Variants in RAVER1 observed in about 807,000 individuals in gnomAD.
RAVER1 encodes ribonucleoprotein, PTB binding 1.
RAVER1 carries 36 observed loss-of-function variants against 68.4 expected under a neutral mutation model. That is an observed-to-expected ratio of 0.53 (90% CI 0.40 to 0.70). RAVER1 has a LOEUF of 0.70. Among genes scored for constraint, RAVER1 ranks in the 30% least tolerant of loss-of-function variants. RAVER1 has a pLI of 0.00. For missense variants in RAVER1, 933 were observed against 1,019.8 expected (o/e 0.91, Z 1.16); for synonymous variants, 469 against 472.7 (o/e 0.99, Z 0.10).
intron 1 of RAVER1, among the ~76,000 whole-genome samples, chr19:10,331,901 G>A (rs2040521420): frequency 6.6e-6 from 1 of 152,166 alleles, no homozygotes; most frequent in African/African-American, 2.4e-5. Flanking sequence ...CCTGACTGGG[G>A]AGCCCACCTT....
At chr19:10,331,684 C>CAAAAAAAAAA (rs61614587) in intron 1 of RAVER1, among the ~76,000 whole-genome samples, 3 of 73,312 alleles carry the variant, frequency 4.1e-5, no homozygotes, top group Non-Finnish European at 7.2e-5. Flanking sequence ...GACTCCGTCT[C>CAAAAAAAAAA]AAAAAAAAAA....
At position 10,317,181 on chromosome 19, in the gene RAVER1, G is replaced by A. The variant is rs945431085; in HGVS notation, c.*273C>T. 2 of 500,244 alleles carry A rather than the reference G, an allele frequency of 4.0e-6. No homozygotes were observed. Among genetic ancestry groups the A allele is most frequent in the Admixed American group, 3.6e-5 (1 of 27,856 alleles). The allele number at this position is 500,244 out of a possible 1,614,324, so 31.0% of individuals were successfully genotyped here. On this transcript the variant is annotated 3_prime_UTR_variant, in exon 13 of 13. Transcript: ENST00000617231. The surrounding 1 kb of genome is among the most constrained non-coding windows in gnomAD (Gnocchi z 4.3). The stretch of plus-strand genomic sequence containing the variant: ...GAGAGACGGGCACAGCGGAGGAGGA[G>A]ATGGGGGGAGGGAGGGAGAGCAGGC...
chr19:10,320,781 G>A lies in RAVER1; in HGVS notation c.1644C>T (p.Ala548=), dbSNP rs2040430646. 2 of 1,514,596 alleles carry A rather than the reference G, an allele frequency of 1.3e-6. No individual in the cohort carries two copies. The highest frequency in any genetic ancestry group is 1.8e-6 in the Non-Finnish European group (2 of 1,140,366). The allele number at this position is 1,514,596 out of a possible 1,614,324, so 93.8% of individuals were successfully genotyped here. ...PAEGPPTNPP[A]PGGGSSSSKA... is the part of the protein sequence containing the mutation. ...TGCTGCTGCTGCTGCCACCTCCAGG[G>A]GCTGGGGGGTTAGTTGGGGGGCCCT... The change falls in exon 9 of 13, where the codon GCC becomes GCT. Residue 548 remains alanine, a synonymous_variant. Coordinates refer to ENST00000617231, the MANE Select transcript of RAVER1 (RefSeq NM_133452.3).
At chr19:10,332,337 G>A (rs990262055) in intron 1 of RAVER1, among the ~76,000 whole-genome samples, 1 of 152,176 alleles carries the variant, frequency 6.6e-6, no homozygotes, top group Admixed American at 6.6e-5. Flanking sequence ...GGCGCCTGCT[G>A]GGACCAGACA....
chr19:10,324,356 C>A (rs2040460774), intron 3 of RAVER1, among the ~76,000 whole-genome samples: 1 of 152,102 alleles, frequency 6.6e-6, no homozygotes, highest in Admixed American at 6.5e-5. Flanking sequence ...GGGCACAGAT[C>A]TCCCATAACC....
At position 10,321,585 on chromosome 19, in the gene RAVER1, C is replaced by A; in HGVS notation, c.1207G>T (p.Ala403Ser). ...GCTGGCTGGGCCCCAGGCTGGAGGGCGCCCAGGGGTGAGTCTCCCAGGATG... is the reference window on the plus strand; with the variant it reads ...GCTGGCTGGGCCCCAGGCTGGAGGGAGCCCAGGGGTGAGTCTCCCAGGATG... ...PGILGDSPLG[A>S]LQPGAQPANP... Residue 403 changes from alanine to serine, a missense_variant, in exon 7 of 13, where the codon GCC becomes TCC. Transcript: ENST00000617231. 1 of 1,388,494 alleles carries A rather than the reference C, an allele frequency of 7.2e-7. No homozygotes were observed. Among genetic ancestry groups the A allele is most frequent in the Non-Finnish European group, 9.4e-7 (1 of 1,064,822 alleles). The allele number at this position is 1,388,494 out of a possible 1,614,324, so 86.0% of individuals were successfully genotyped here. A position where few individuals can be genotyped will look rare whatever the true frequency, so the allele number is the denominator to read the frequency against.
In RAVER1 at chr19:10,316,432, G is replaced by T. The variant is rs1199441014; in HGVS notation, c.*1022C>A. The T allele has an allele frequency of 9.9e-7, 1 of 1,009,762 alleles. No homozygotes were observed. Among genetic ancestry groups the T allele is most frequent in the South Asian group, 3.9e-5 (1 of 25,338 alleles). 62.6% of individuals were successfully genotyped at this position (1,009,762 alleles called of 1,614,324 possible). A position where few individuals can be genotyped will look rare whatever the true frequency, so the allele number is the denominator to read the frequency against. On this transcript the variant is annotated 3_prime_UTR_variant, in exon 13 of 13. Coordinates refer to ENST00000617231, the MANE Select transcript of RAVER1 (RefSeq NM_133452.3). ...CCAGAGTTTATCTTCATGGAGTGCT[G>T]GTTTCTGGCACTGGGCTGGAAGGAG...
In RAVER1 at chr19:10,320,791, T is replaced by C; in HGVS notation, c.1634A>G (p.Asn545Ser). The C allele has an allele frequency of 2.0e-6, 3 of 1,469,636 alleles. No homozygotes were observed. The highest frequency in any genetic ancestry group is 2.7e-5 in the South Asian group (2 of 75,460). 91.0% of individuals were successfully genotyped at this position (1,469,636 alleles called of 1,614,324 possible). The change falls in exon 9 of 13, where the codon AAC becomes AGC. Residue 545 changes from asparagine to serine, a missense_variant. This residue lies in a region of RAVER1 where 699 missense variants were observed against 731.1 expected (regional missense o/e 0.96). Transcript: ENST00000617231. The part of the protein sequence containing the change: ...SRRPAEGPPT[N>S]PPAPGGGSSS... ...GCTGCCACCTCCAGGGGCTGGGGGGTTAGTTGGGGGGCCCTCAGCTGGGCG... is the reference window on the plus strand; with the variant it reads ...GCTGCCACCTCCAGGGGCTGGGGGGCTAGTTGGGGGGCCCTCAGCTGGGCG...
At chr19:10,325,016 T>C (rs1331717682) in intron 3 of RAVER1, among the ~76,000 whole-genome samples, 2 of 149,962 alleles carry the variant, frequency 1.3e-5, no homozygotes, top group African/African-American at 4.9e-5. Context: ...GGAGACCCCA[T>C]CTTCACATAA....
chr19:10,327,278 A>G (rs281420), intron 3 of RAVER1, among the ~76,000 whole-genome samples: 78,493 of 151,720 alleles, frequency 0.52, 20,693 homozygotes, highest in African/African-American at 0.61. Flanking sequence ...TTTTTGAGAT[A>G]AGGGTCTAGC....
Position 10,316,368 on chromosome 19 carries a change from G to A in RAVER1, c.*1086C>T. 1 of 1,093,016 alleles carries A rather than the reference G, an allele frequency of 9.1e-7. No homozygotes were observed. The highest frequency in any genetic ancestry group is 1.1e-6 in the Non-Finnish European group (1 of 897,826). The allele number at this position is 1,093,016 out of a possible 1,614,324, so 67.7% of individuals were successfully genotyped here. On this transcript the variant is annotated 3_prime_UTR_variant, in exon 13 of 13. Coordinates refer to ENST00000617231, the MANE Select transcript of RAVER1 (RefSeq NM_133452.3). ...CCCAGTTGGCTGGGGGCAAGGCCCAGGGTCACCTCAGGTCGACAGGTCCTG... is the reference window on the plus strand; with the variant it reads ...CCCAGTTGGCTGGGGGCAAGGCCCAAGGTCACCTCAGGTCGACAGGTCCTG...
intron 1 of RAVER1, among the ~76,000 whole-genome samples, chr19:10,332,351 T>C (rs975577756): frequency 2.0e-5 from 3 of 152,140 alleles, no homozygotes; most frequent in Non-Finnish European, 2.9e-5. Flanking sequence ...CCAGACACAC[T>C]GTGCATCTTG....
Position 10,321,148 on chromosome 19 carries a change from G to A in RAVER1, c.1373C>T (p.Pro458Leu). The change falls in exon 8 of 13, where the codon CCA (proline) becomes CTA (leucine). Residue 458 changes from proline (P) to leucine (L), a missense_variant. Physicochemically the swap from Pro to Leu is moderately conservative, Grantham distance 98. Around this residue, in one of 3 missense-constraint regions of RAVER1, gnomAD observed 699 missense variants for 731.1 expected, o/e 0.96. Coordinates refer to ENST00000617231, the MANE Select transcript of RAVER1 (RefSeq NM_133452.3). ...GDREALGLGPPAAQLTPPPAP... is the reference protein window; with the variant it reads ...GDREALGLGPLAAQLTPPPAP... ...GGGGGGAGGAGTGAGCTGGGCCGCT[G>A]GGGGACCCAAGCCCAGGGCCTCCCG... is the stretch of plus-strand genomic sequence containing the variant. 1 of 1,287,602 alleles carries A rather than the reference G, an allele frequency of 7.8e-7. No individual in the cohort carries two copies. The highest frequency in any genetic ancestry group is 1.5e-5 in the African/African-American group (1 of 64,678). The allele number at this position is 1,287,602 out of a possible 1,614,324, so 79.8% of individuals were successfully genotyped here.
Position 10,320,704 on chromosome 19 carries a change from A to T in RAVER1, c.1721T>A (p.Leu574Gln). The T allele has an allele frequency of 6.5e-7, 1 of 1,532,714 alleles. No homozygotes were observed. The highest frequency in any genetic ancestry group is 1.5e-5 in the African/African-American group (1 of 67,382). 94.9% of individuals were successfully genotyped at this position (1,532,714 alleles called of 1,614,324 possible). ...RLLSPLSSAR[L>Q]PPEPGLSDSY... ...GTCAGACAGTCCTGGTTCGGGGGGC[A>T]GGCGGGCGCTGCTGAGGGGGCTGAG... Residue 574 changes from leucine (L) to glutamine (Q), a missense_variant, in exon 9 of 13, where the codon CTG (leucine) becomes CAG (glutamine). Physicochemically the swap from Leu to Gln is moderately radical, Grantham distance 113 (BLOSUM62 -2). Coordinates refer to ENST00000617231, the MANE Select transcript of RAVER1 (RefSeq NM_133452.3).
chr19:10,319,325 G>C, intron 9 of RAVER1, 85 bp from the exon 10 acceptor site: 1 of 1,351,308 alleles, frequency 7.4e-7, no homozygotes, highest in Non-Finnish European at 1.0e-6. Flanking sequence ...GCTGTCATCA[G>C]GGAAGACAGT....
At chr19:10,318,177 C>T in intron 11 of RAVER1, 52 bp downstream of exon 11, 5 of 1,518,166 alleles carry the variant, frequency 3.3e-6, no homozygotes, top group East Asian at 2.4e-5. Context: ...GCAGGCACCC[C>T]CAAATCCTAG....
Position 10,330,633 on chromosome 19 carries a change from C to G in RAVER1, c.220-107G>C, listed in dbSNP as rs1384301099. On this transcript the variant is annotated intron_variant, in intron 1 of 12. Coordinates refer to ENST00000617231, the MANE Select transcript of RAVER1 (RefSeq NM_133452.3). ...CTATGAAGGCAGGTCAATTACCACC[C>G]CCCATTTTACCAATGAGGAAACTGA... 1.4e-5 allele frequency: 9 copies of G among 630,474 alleles called. No homozygotes were observed. The African/African-American group carries it at 1.7e-4, about 12-fold the overall frequency. The allele number at this position is 630,474 out of a possible 1,614,324, so 39.1% of individuals were successfully genotyped here. A position where few individuals can be genotyped will look rare whatever the true frequency, so the allele number is the denominator to read the frequency against.
Position 10,329,205 on chromosome 19 carries a change from G to A in RAVER1, c.287-94C>T. On this transcript the variant is annotated intron_variant, in intron 2 of 12. Transcript: ENST00000617231. This position sits in a 1 kb window ranked among gnomAD's most constrained non-coding sequence, Gnocchi z 4.6. ...TGCAAACCAGGTGGGACCTCCAAAT[G>A]CTGGGCATCTCAGGTGCCTGCTGAT... 1.3e-6 allele frequency: 1 copy of A among 780,922 alleles called. No homozygotes were observed. 48.4% of individuals were successfully genotyped at this position (780,922 alleles called of 1,614,324 possible). A position where few individuals can be genotyped will look rare whatever the true frequency, so the allele number is the denominator to read the frequency against.
chr19:10,318,194 C>T (rs2145064458), intron 11 of RAVER1, 35 bp downstream of exon 11: 1 of 1,569,434 alleles, frequency 6.4e-7, no homozygotes, highest in East Asian at 2.3e-5. Flanking sequence ...CTAGCTGTCC[C>T]AGGGGGCCTG....
Sources: gnomAD v4.1 joint callset for allele counts (sites outside exome capture counted in the v4.1 genomes callset) on GRCh38, gnomAD v4.1.1 for gene constraint, gnomAD v4.1.1 regional missense constraint, Gnocchi (gnomAD v3.1) non-coding constraint, MANE v1.5 for transcripts, NCBI Gene and HGNC (gene_info 2026-07-23, HGNC 2026-07-21) for gene names.